GARNL3: variants seen among roughly 807,000 people sequenced by gnomAD.
GARNL3 encodes GTPase-activating Rap/Ran-GAP domain-like protein 3.
GARNL3 carries 63 observed loss-of-function variants against 125.0 expected under a neutral mutation model. That is an observed-to-expected ratio of 0.50 (90% CI 0.41 to 0.62). The LOEUF (loss-of-function observed/expected upper bound fraction) is 0.62, where lower values mean the gene tolerates loss of function less well. Among genes scored for constraint, GARNL3 ranks in the 20% least tolerant of loss-of-function variants. GARNL3 has a pLI of 0.00. For missense variants in GARNL3, 994 were observed against 1,244.0 expected, an observed-to-expected ratio of 0.80 and a Z score of 3.02; for synonymous variants, 439 against 457.5, an observed-to-expected ratio of 0.96 and a Z score of 0.52.
rs1032733568 is a variant in GARNL3, at chr9:127,281,641, C to T, written c.145-9527C>T. 2.4e-4 allele frequency among the ~76,000 whole-genome samples: 36 copies of T among 152,204 alleles called. 1 individual carries two copies. Among genetic ancestry groups the T allele is most frequent in the Middle Eastern group, 3.2e-3 (1 of 316 alleles). ...CCCTACTCTGGTCCTCACACTGGCT[C>T]CTTCTCCCTTGCCTTTCCCTGCAGG... On this transcript the variant is annotated intron_variant, in intron 1 of 27. Coordinates refer to ENST00000373387, the MANE Select transcript of GARNL3 (RefSeq NM_032293.5).
At chr9:127,263,465 C>T (rs1026072496), upstream of GARNL3, among the ~76,000 whole-genome samples, 3 of 152,234 alleles carry the variant, frequency 2.0e-5, no homozygotes, top group Admixed American at 2.0e-4. Flanking sequence ...CCAAGTCCAC[C>T]GGCACTCCTC....
chr9:127,226,810 T>TG (rs1387429983), intron 1 of GARNL3, among the ~76,000 whole-genome samples: 2 of 152,226 alleles, frequency 1.3e-5, no homozygotes, highest in Non-Finnish European at 2.9e-5. Context: ...TCTGTGCTCA[T>TG]GGTGCTTACA....
At chr9:127,352,840 C>G (rs948383331) in intron 17 of GARNL3, among the ~76,000 whole-genome samples, 3 of 152,136 alleles carry the variant, frequency 2.0e-5, no homozygotes, top group Non-Finnish European at 4.4e-5. Flanking sequence ...CTCAGGGCCC[C>G]TTGCTCCTAA....
intron 1 of GARNL3, among the ~76,000 whole-genome samples, chr9:127,230,195 A>G (rs988385362): frequency 6.6e-6 from 1 of 152,258 alleles, no homozygotes; most frequent in African/African-American, 2.4e-5. Flanking sequence ...TTCACTCACC[A>G]CTTGTGAACT....
At chr9:127,305,898 C>T (rs2131438105) in intron 2 of GARNL3, among the ~76,000 whole-genome samples, 1 of 152,202 alleles carries the variant, frequency 6.6e-6, no homozygotes, top group East Asian at 1.9e-4. Context: ...CTATGCCCAG[C>T]CCAGTAATTT....
Position 127,364,840 on chromosome 9 carries a change from A to AGAT in GARNL3, c.2095-460_2095-459insGAT. 6.1e-6 allele frequency: 1 copy of AGAT among 163,214 alleles called. No homozygotes were observed. 10.1% of individuals were successfully genotyped at this position (163,214 alleles called of 1,614,324 possible). ...AGTTCAGATGTTGGCTGTGGCGTGT[A>AGAT]CCAGTCAAGGGACTTAAGTGACTTC... On this transcript the variant is annotated intron_variant, in intron 21 of 27. Transcript: ENST00000373387. The surrounding 1 kb of genome is among the most constrained non-coding windows in gnomAD (Gnocchi z 4.2).
chr9:127,239,347 A>C (rs3802374), intron 1 of GARNL3, among the ~76,000 whole-genome samples: 25,084 of 152,112 alleles, frequency 0.16, 6,365 homozygotes, highest in African/African-American at 0.55. Context: ...ACCCTCTGCC[A>C]AGTCCCACCC....
intron 7 of GARNL3, among the ~76,000 whole-genome samples, chr9:127,327,419 G>A (rs1054049973): frequency 1.3e-5 from 2 of 152,166 alleles, no homozygotes; most frequent in African/African-American, 4.8e-5. Flanking sequence ...CTGAGGCAGG[G>A]ACACCTCAGT....
rs1439502552 is a variant in GARNL3 at position 127,242,377 on chromosome 9, C to T, written c.-28-702C>T. ...TGCTAATTGGCTCAGAAAATAATTC[C>T]AGTCAGAAGGAGTGTGATGCCTGCA... On this transcript the variant is annotated intron_variant, in intron 1 of 10. Coordinates refer to the GARNL3 transcript ENST00000439286. This position sits in a 1 kb window ranked among gnomAD's most constrained non-coding sequence, Gnocchi z 4.6. 6.6e-6 allele frequency among the ~76,000 whole-genome samples: 1 copy of T among 152,116 alleles called. No homozygotes were observed. The highest frequency in any genetic ancestry group is 1.5e-5 in the Non-Finnish European group (1 of 68,028).
intron 2 of GARNL3, among the ~76,000 whole-genome samples, chr9:127,246,761 T>C (rs1181440379): frequency 6.6e-6 from 1 of 151,930 alleles, no homozygotes; most frequent in Non-Finnish European, 1.5e-5. Context: ...GAGCCGAGAT[T>C]GCATCACAGC....
At chr9:127,265,508 T>C (rs1391931728) in intron 1 of GARNL3, among the ~76,000 whole-genome samples, 2 of 152,230 alleles carry the variant, frequency 1.3e-5, no homozygotes, top group African/African-American at 4.8e-5. Flanking sequence ...ATGACTATTA[T>C]GGATGATCAA....
intron 16 of GARNL3, among the ~76,000 whole-genome samples, chr9:127,348,139 T>C (rs573834088): frequency 1.8e-4 from 27 of 152,320 alleles, no homozygotes; most frequent in African/African-American, 6.3e-4. Context: ...AGACTTCAAC[T>C]TGGGCCTGAG....
At chr9:127,300,845 G>A in intron 2 of GARNL3, 1 of 342,876 alleles carries the variant, frequency 2.9e-6, no homozygotes, top group Non-Finnish European at 5.5e-6. Context: ...CATTAGGCAT[G>A]TATTTACAGT....
chr9:127,337,106 T>G (rs943080602), intron 11 of GARNL3, among the ~76,000 whole-genome samples: 1 of 152,194 alleles, frequency 6.6e-6, no homozygotes, highest in Admixed American at 6.5e-5. Flanking sequence ...GTTTCCAAAC[T>G]TTCTTCCATG....
chr9:127,388,668 G>T (rs1013898076), intron 25 of GARNL3: 1 of 548,252 alleles, frequency 1.8e-6, no homozygotes. Flanking sequence ...CTTTTTTCCT[G>T]TGCAGTCACG....
In GARNL3 at chr9:127,357,217, A is replaced by G. The variant is rs1564174835; in HGVS notation, c.1936-2A>G. On this transcript the variant is annotated splice_acceptor_variant, in intron 20 of 27. Transcript: ENST00000373387. LOFTEE classifies it high-confidence loss of function. ...TCTCTTGTATCCTCACCAACCACACAGGAGATCTGTCTGTCTGACTCTCCC... is the reference window on the plus strand; with the variant it reads ...TCTCTTGTATCCTCACCAACCACACGGGAGATCTGTCTGTCTGACTCTCCC... 6.2e-7 allele frequency: 1 copy of G among 1,614,042 alleles called. No homozygotes were observed. Among genetic ancestry groups the G allele is most frequent in the Non-Finnish European group, 8.5e-7 (1 of 1,179,928 alleles).
At chr9:127,313,210 C>G in intron 3 of GARNL3, 1 of 506,750 alleles carries the variant, frequency 2.0e-6, no homozygotes, top group South Asian at 2.3e-5. Context: ...GCAGATTTCT[C>G]CAGTCTCATT....
chr9:127,251,003 G>C (rs758403132), intron 2 of GARNL3, among the ~76,000 whole-genome samples: 1 of 152,000 alleles, frequency 6.6e-6, no homozygotes, highest in African/African-American at 2.4e-5. Context: ...TACAGTTTTC[G>C]GGTCTTTCAA....
intron 10 of GARNL3, among the ~76,000 whole-genome samples, chr9:127,335,702 A>G (rs751792278): frequency 9.2e-5 from 14 of 151,934 alleles, no homozygotes; most frequent in Admixed American, 2.0e-4. Context: ...TTGAGAGACT[A>G]TTTTGTATAG....
Sources: gnomAD v4.1 joint callset for allele counts (sites outside exome capture counted in the v4.1 genomes callset) on GRCh38, gnomAD v4.1.1 for gene constraint, Gnocchi (gnomAD v3.1) non-coding constraint, MANE v1.5 for transcripts, NCBI Gene and HGNC (gene_info 2026-07-23, HGNC 2026-07-21) for gene names.